The following SF3B3 variants were observed in gnomAD, a reference collection of about 807,000 sequenced individuals.
SF3B3 encodes SAP 130.
SF3B3 carries 33 observed loss-of-function variants against 139.2 expected under a neutral mutation model. That is an observed-to-expected ratio of 0.24 (90% CI 0.18 to 0.32). The LOEUF is 0.32. Among genes scored for constraint, SF3B3 ranks in the 10% least tolerant of loss-of-function variants. The pLI is 1.00. For synonymous variants in SF3B3, 596 were observed against 563.6 expected (o/e 1.06, Z -0.81); for missense variants, 818 against 1,509.4 (o/e 0.54, Z 7.59).
At chr16:70,566,091 T>C (rs916932896) in intron 20 of SF3B3, among the ~76,000 whole-genome samples, 1 of 149,860 alleles carries the variant, frequency 6.7e-6, no homozygotes, top group Non-Finnish European at 1.5e-5. Flanking sequence ...CACTCTAGCC[T>C]GGGTGACAAG....
intron 21 of SF3B3, 96 bp from the exon 22 acceptor site, chr16:70,568,187 G>C: frequency 1.1e-6 from 1 of 929,626 alleles, no homozygotes; most frequent in Non-Finnish European, 1.7e-6. Flanking sequence ...TTGCTGTTCT[G>C]CTGACCCTAC....
At chr16:70,565,648 C>T (rs2050468668) in intron 20 of SF3B3, 124 bp downstream of exon 20, 1 of 868,338 alleles carries the variant, frequency 1.2e-6, no homozygotes, top group Admixed American at 2.8e-5. Context: ...CTTACCAGCA[C>T]ATGGAAAATG....
chr16:70,568,257 A>G (rs759974646), intron 21 of SF3B3, 26 bp from the exon 22 acceptor site: 22 of 1,552,876 alleles, frequency 1.4e-5, no homozygotes, highest in Non-Finnish European at 2.0e-5. Context: ...TACACCCACC[A>G]TCACTATTGT....
In SF3B3 at chr16:70,554,603, G is replaced by T. The variant is rs528727199; in HGVS notation, c.1554+6G>T. 2 of 1,614,026 alleles carry T rather than the reference G, an allele frequency of 1.2e-6. No individual in the cohort carries two copies. Reference sequence around the variant, plus strand: ...GAGATGATGCCTTGGTGCAGGTGAGGGTTCTCAGAGCTTACCTACTTGGCC... The same window carrying T: ...GAGATGATGCCTTGGTGCAGGTGAGTGTTCTCAGAGCTTACCTACTTGGCC... On this transcript the variant is annotated splice_donor_region_variant and intron_variant, in intron 12 of 25. Transcript: ENST00000302516.
At chr16:70,565,607 T>C in intron 20 of SF3B3, 83 bp downstream of exon 20, 2 of 1,279,084 alleles carry the variant, frequency 1.6e-6, no homozygotes, top group Admixed American at 4.3e-5. Context: ...TCAGGTCTTT[T>C]GGGGACCAGC....
In SF3B3 at chr16:70,568,515, T is replaced by C. The variant is rs1487772420; in HGVS notation, c.3165+20T>C. ...TGTGTGGTGAGTTGATGTTGTTAACTTGGGTTACAGTGATGTGTAGGAAAG... is the reference window on the plus strand; with the variant it reads ...TGTGTGGTGAGTTGATGTTGTTAACCTGGGTTACAGTGATGTGTAGGAAAG... On this transcript the variant is annotated intron_variant, in intron 22 of 25. Transcript: ENST00000302516. 2 of 1,598,516 alleles carry C rather than the reference T, an allele frequency of 1.3e-6. No homozygotes were observed. Among genetic ancestry groups the C allele is most frequent in the Non-Finnish European group, 1.7e-6 (2 of 1,167,636 alleles).
chr16:70,577,662 GTC>G lies in SF3B3; in HGVS notation c.*5850_*5851del, dbSNP rs1413423392. On this transcript the variant is annotated 3_prime_UTR_variant, in exon 26 of 26. Transcript: ENST00000302516. ...GGCACTCGGAATAAAGCGCACTATTGTCACTAGGTTGGCATTTCTTTTTCTTC... is the reference window on the plus strand; with the variant it reads ...GGCACTCGGAATAAAGCGCACTATTGACTAGGTTGGCATTTCTTTTTCTTC... 6.6e-6 allele frequency: 1 copy of G among 152,094 alleles called. No individual in the cohort carries two copies. Among genetic ancestry groups the G allele is most frequent in the Non-Finnish European group, 1.5e-5 (1 of 68,012 alleles). 9.4% of individuals were successfully genotyped at this position (152,094 alleles called of 1,614,324 possible). A position where few individuals can be genotyped will look rare whatever the true frequency, so the allele number is the denominator to read the frequency against.
In SF3B3 at chr16:70,576,581, T is replaced by TA. The variant is rs2050582855; in HGVS notation, c.*4769dup. Reference sequence around the variant, plus strand: ...AACACGTGATGGTCAAGGGAAGTACTACCATTTCCTGTGGGTTATTAGGGC... The same window carrying TA: ...AACACGTGATGGTCAAGGGAAGTACTAACCATTTCCTGTGGGTTATTAGGGC... On this transcript the variant is annotated 3_prime_UTR_variant, in exon 26 of 26. Coordinates refer to ENST00000302516, the MANE Select transcript of SF3B3 (RefSeq NM_012426.5). The TA allele has an allele frequency of 6.6e-6, 1 of 152,206 alleles. No homozygotes were observed. The highest frequency in any genetic ancestry group is 2.4e-5 in the African/African-American group (1 of 41,450). 9.4% of individuals were successfully genotyped at this position (152,206 alleles called of 1,614,324 possible). A position where few individuals can be genotyped will look rare whatever the true frequency, so the allele number is the denominator to read the frequency against.
chr16:70,556,989 G>A lies in SF3B3; in HGVS notation c.1970G>A (p.Arg657Lys), dbSNP rs893031539. 2.7e-5 allele frequency: 43 copies of A among 1,613,742 alleles called. No individual in the cohort carries two copies. The highest frequency in any genetic ancestry group is 3.2e-5 in the Non-Finnish European group (38 of 1,179,902). ...GAGAAGCAGGATGAGCTGGGTGAGA[G>A]GGGCTCGATTGGCTTCCTATACCTG... The part of the protein sequence containing the change: ...GTEKQDELGE[R>K]GSIGFLYLNI... Residue 657 changes from arginine (R) to lysine (K), a missense_variant, in exon 15 of 26, where the codon AGG becomes AAG. Physicochemically the swap from Arg to Lys is conservative, Grantham distance 26 (BLOSUM62 2). Coordinates refer to ENST00000302516, the MANE Select transcript of SF3B3 (RefSeq NM_012426.5).
intron 14 of SF3B3, 121 bp downstream of exon 14, chr16:70,556,455 G>C: frequency 9.4e-7 from 1 of 1,067,608 alleles, no homozygotes; most frequent in Non-Finnish European, 1.4e-6. Context: ...TTAGAACCCA[G>C]AATCCATACC....
intron 5 of SF3B3, among the ~76,000 whole-genome samples, chr16:70,533,413 A>G (rs971680272): frequency 1.3e-5 from 2 of 152,220 alleles, no homozygotes; most frequent in South Asian, 2.1e-4. Flanking sequence ...CTCTGAGTCT[A>G]GTATGACTAC....
At chr16:70,548,697 G>A (rs751815951) in intron 11 of SF3B3, among the ~76,000 whole-genome samples, 32 of 152,208 alleles carry the variant, frequency 2.1e-4, no homozygotes, top group Non-Finnish European at 1.5e-4. Flanking sequence ...GAATCATAGA[G>A]CTGTCAAATG....
chr16:70,575,187 C>CTTT lies in SF3B3; in HGVS notation c.*3380_*3382dup, dbSNP rs1206127902. ...TTCTCTTTTTTTTCTTTTTCTTTTT[C>CTTT]TTTTTTTTCTTTTTTTTTTTTTTTT... On this transcript the variant is annotated 3_prime_UTR_variant, in exon 26 of 26. Coordinates refer to ENST00000302516, the MANE Select transcript of SF3B3 (RefSeq NM_012426.5). 1 of 130,078 alleles carries CTTT rather than the reference C, an allele frequency of 7.7e-6. No homozygotes were observed. The highest frequency in any genetic ancestry group is 1.6e-5 in the Non-Finnish European group (1 of 61,706). 8.1% of individuals were successfully genotyped at this position (130,078 alleles called of 1,614,324 possible).
chr16:70,543,851 T>C (rs201261754), intron 9 of SF3B3, among the ~76,000 whole-genome samples: 2 of 151,672 alleles, frequency 1.3e-5, no homozygotes. Flanking sequence ...TTTTTGTGTT[T>C]TTTTTTTTAA....
Position 70,576,559 on chromosome 16 carries a change from A to G in SF3B3, c.*4746A>G, listed in dbSNP as rs546248377. The G allele has an allele frequency of 2.6e-4, 39 of 152,330 alleles. No individual in the cohort carries two copies. The highest frequency in any genetic ancestry group is 8.7e-4 in the African/African-American group (36 of 41,566). The allele number at this position is 152,330 out of a possible 1,614,324, so 9.4% of individuals were successfully genotyped here. Reference sequence around the variant, plus strand: ...GAGTATATGTGTATAAGCTAGTAACACGTGATGGTCAAGGGAAGTACTACC... The same window carrying G: ...GAGTATATGTGTATAAGCTAGTAACGCGTGATGGTCAAGGGAAGTACTACC... On this transcript the variant is annotated 3_prime_UTR_variant, in exon 26 of 26. Coordinates refer to ENST00000302516, the MANE Select transcript of SF3B3 (RefSeq NM_012426.5).
intron 9 of SF3B3, among the ~76,000 whole-genome samples, chr16:70,543,761 GCTT>G (rs2151783553): frequency 6.6e-6 from 1 of 152,188 alleles, no homozygotes; most frequent in South Asian, 2.1e-4. Flanking sequence ...GTATAGCAGG[GCTT>G]CTTAACATTT....
chr16:70,551,595 G>A (rs1289427752), intron 11 of SF3B3, among the ~76,000 whole-genome samples: 3 of 152,156 alleles, frequency 2.0e-5, no homozygotes, highest in African/African-American at 7.2e-5. Context: ...CTAGCTACTA[G>A]AGAGGCTGAG....
chr16:70,575,188 TTTTTTTTC>T lies in SF3B3; in HGVS notation c.*3383_*3390del, dbSNP rs1323418665. The T allele has an allele frequency of 3.4e-4, 49 of 143,140 alleles. No homozygotes were observed. Among genetic ancestry groups the T allele is most frequent in the East Asian group, 2.3e-3 (11 of 4,828 alleles). 8.9% of individuals were successfully genotyped at this position (143,140 alleles called of 1,614,324 possible). On this transcript the variant is annotated 3_prime_UTR_variant, in exon 26 of 26. Transcript: ENST00000302516. ...TCTCTTTTTTTTCTTTTTCTTTTTC[TTTTTTTTC>T]TTTTTTTTTTTTTTTTTTTTGAGAT...
In SF3B3 at chr16:70,569,820, C is replaced by CCTCA. The variant is rs1597725492; in HGVS notation, c.3265-183_3265-180dup. 9.9e-6 allele frequency: 6 copies of CCTCA among 603,148 alleles called. No homozygotes were observed. The East Asian group carries it at 1.8e-4, about 18-fold the overall frequency. The allele number at this position is 603,148 out of a possible 1,614,324, so 37.4% of individuals were successfully genotyped here. A position where few individuals can be genotyped will look rare whatever the true frequency, so the allele number is the denominator to read the frequency against. On this transcript the variant is annotated intron_variant, in intron 23 of 25. Coordinates refer to ENST00000302516, the MANE Select transcript of SF3B3 (RefSeq NM_012426.5). ...ATTTTGTGGGTATGGGTATACGAGA[C>CCTCA]CTCACTGTGTTGCCCAGGCTGGTCT...
Sources: gnomAD v4.1 joint callset for allele counts (sites outside exome capture counted in the v4.1 genomes callset) on GRCh38, gnomAD v4.1.1 for gene constraint, MANE v1.5 for transcripts, NCBI Gene and HGNC (gene_info 2026-07-23, HGNC 2026-07-21) for gene names.